The following RAB11FIP4 variants were observed in gnomAD, a reference collection of about 807,000 sequenced individuals.
The protein encoded by RAB11FIP4 is RAB11 family interacting protein 4, also known as rab11 family-interacting protein 4.
Under a neutral mutation model 74.3 loss-of-function variants are expected in RAB11FIP4, and 23 were observed. That is an observed-to-expected ratio of 0.31 (90% CI 0.22 to 0.44). RAB11FIP4 has a LOEUF of 0.44. RAB11FIP4 is among the 20% of genes least tolerant of loss of function. The pLI, the probability that RAB11FIP4 is intolerant of heterozygous loss-of-function variation, is 1.00. For synonymous variants in RAB11FIP4, 360 were observed against 359.9 expected, an observed-to-expected ratio of 1.00 and a Z score of 0.00; for missense variants, 630 against 863.9, an observed-to-expected ratio of 0.73 and a Z score of 3.39.
At chr17:31,424,643 T>G (rs978844504) in intron 1 of RAB11FIP4, among the ~76,000 whole-genome samples, 12 of 150,266 alleles carry the variant, frequency 8.0e-5, no homozygotes, top group Non-Finnish European at 2.9e-5. Flanking sequence ...TGGCACGATC[T>G]CGGCTCACTG....
At chr17:31,464,888 G>A (rs183692296) in intron 3 of RAB11FIP4, among the ~76,000 whole-genome samples, 49 of 148,878 alleles carry the variant, frequency 3.3e-4, no homozygotes, top group Non-Finnish European at 5.5e-4. Flanking sequence ...AGCCTTCCTA[G>A]TAGCAGGAAC....
At chr17:31,445,313 C>T (rs2071440321) in intron 3 of RAB11FIP4, among the ~76,000 whole-genome samples, 1 of 151,526 alleles carries the variant, frequency 6.6e-6, no homozygotes, top group African/African-American at 2.4e-5. Flanking sequence ...AGTTTCTCTG[C>T]CCCTGTGTTT....
At chr17:31,474,577 GA>G (rs2071770675) in intron 3 of RAB11FIP4, among the ~76,000 whole-genome samples, 1 of 151,550 alleles carries the variant, frequency 6.6e-6, no homozygotes, top group East Asian at 1.9e-4. Flanking sequence ...GCTGAGGCAG[GA>G]GATTCACTTG....
At chr17:31,442,394 G>A (rs781296863) in intron 3 of RAB11FIP4, among the ~76,000 whole-genome samples, 1 of 152,164 alleles carries the variant, frequency 6.6e-6, no homozygotes, top group Non-Finnish European at 1.5e-5. Flanking sequence ...AGCAGCAATC[G>A]TTGCTTTAAA....
At chr17:31,520,722 T>C (rs892407273) in intron 4 of RAB11FIP4, among the ~76,000 whole-genome samples, 3 of 152,204 alleles carry the variant, frequency 2.0e-5, no homozygotes, top group African/African-American at 7.2e-5. Context: ...TTAGCCAGGA[T>C]GGTCTCGATC....
intron 3 of RAB11FIP4, among the ~76,000 whole-genome samples, chr17:31,478,259 C>T (rs950172590): frequency 2.0e-5 from 3 of 152,132 alleles, no homozygotes; most frequent in African/African-American, 4.8e-5. Flanking sequence ...TCCCAAAGTG[C>T]TGGGATTACA....
chr17:31,412,520 T>G (rs2071107865), intron 1 of RAB11FIP4, among the ~76,000 whole-genome samples: 1 of 152,184 alleles, frequency 6.6e-6, no homozygotes, highest in South Asian at 2.1e-4. Flanking sequence ...TGATCTTGGG[T>G]GAAGGACTCA....
intron 7 of RAB11FIP4, 175 bp from the exon 8 acceptor site, chr17:31,523,337 T>C (rs1391722056): frequency 1.5e-6 from 1 of 646,104 alleles, no homozygotes; most frequent in Non-Finnish European, 2.8e-6. Flanking sequence ...TGCCATCCTC[T>C]GGGCGGGGTG....
In RAB11FIP4 at chr17:31,479,413, A is replaced by G. The variant is rs2142736757; in HGVS notation, c.337-38238A>G. Among the ~76,000 whole-genome samples, 3 of 152,306 alleles carry G rather than the reference A, an allele frequency of 2.0e-5. No homozygotes were observed. In the East Asian group the frequency reaches 5.8e-4, roughly 29 times the overall value. On this transcript the variant is annotated intron_variant, in intron 3 of 14. Transcript: ENST00000621161. ...CTCAGCTTTCCATTGTCTGTGGGTG[A>G]GGGATTCTCAGTCCCATTCAGGGCC...
intron 1 of RAB11FIP4, among the ~76,000 whole-genome samples, chr17:31,410,488 C>T (rs567566364): frequency 5.3e-5 from 8 of 151,872 alleles, no homozygotes; most frequent in African/African-American, 1.2e-4. Flanking sequence ...CTGAGGTGGG[C>T]GGATCACTTG....
chr17:31,524,850 G>C (rs2072734586), intron 9 of RAB11FIP4: 1 of 595,592 alleles, frequency 1.7e-6, no homozygotes, highest in Non-Finnish European at 3.0e-6. Context: ...GTCCCTCCCT[G>C]TGCTGCCCTG....
rs2051211786 is a variant in RAB11FIP4, at chr17:31,533,374, T to C, written c.*1642T>C. 6.6e-6 allele frequency: 1 copy of C among 152,254 alleles called. No individual in the cohort carries two copies. Among genetic ancestry groups the C allele is most frequent in the South Asian group, 2.1e-4 (1 of 4,832 alleles). The allele number at this position is 152,254 out of a possible 1,614,324, so 9.4% of individuals were successfully genotyped here. ...CCCAGGACTTTGGAGCCACCCACAC[T>C]GGGAAGACTAGGCTAGGCAGTCGGT... On this transcript the variant is annotated 3_prime_UTR_variant, in exon 15 of 15. Coordinates refer to ENST00000621161, the MANE Select transcript of RAB11FIP4 (RefSeq NM_032932.6).
intron 1 of RAB11FIP4, among the ~76,000 whole-genome samples, chr17:31,406,632 T>C (rs929287): frequency 0.21 from 32,472 of 152,116 alleles, 4,116 homozygotes; most frequent in East Asian, 0.43. Context: ...TCATGAGACT[T>C]TGCATTTTTT....
At chr17:31,412,852 G>A (rs2071111260) in intron 1 of RAB11FIP4, among the ~76,000 whole-genome samples, 1 of 152,204 alleles carries the variant, frequency 6.6e-6, no homozygotes. Flanking sequence ...GGGCAGTGAG[G>A]TGAGGAGCAG....
chr17:31,425,462 G>A (rs1297447151), intron 1 of RAB11FIP4, among the ~76,000 whole-genome samples: 1 of 152,162 alleles, frequency 6.6e-6, no homozygotes, highest in Admixed American at 6.5e-5. Flanking sequence ...GGGAGGCGTG[G>A]GTGGCTGGGC....
chr17:31,482,971 G>T (rs1283861233), intron 3 of RAB11FIP4, among the ~76,000 whole-genome samples: 1 of 152,012 alleles, frequency 6.6e-6, no homozygotes, highest in Non-Finnish European at 1.5e-5. Flanking sequence ...GAGGCGGGCG[G>T]ATCACGGGAT....
At chr17:31,497,063 AT>A (rs2072129999) in intron 3 of RAB11FIP4, among the ~76,000 whole-genome samples, 1 of 152,122 alleles carries the variant, frequency 6.6e-6, no homozygotes, top group Admixed American at 6.5e-5. Context: ...TTGTTCTCAA[AT>A]GTTTAAGACC....
intron 3 of RAB11FIP4, among the ~76,000 whole-genome samples, chr17:31,499,623 G>A (rs1210664717): frequency 2.0e-5 from 3 of 152,132 alleles, no homozygotes; most frequent in Admixed American, 2.0e-4. Context: ...CCAAAGTGCT[G>A]GGATTACAGG....
intron 3 of RAB11FIP4, among the ~76,000 whole-genome samples, chr17:31,457,885 T>C (rs181484806): frequency 6.6e-6 from 1 of 152,258 alleles, no homozygotes; most frequent in Non-Finnish European, 1.5e-5. Context: ...CTCTTCTCTC[T>C]ATCTGCACCC....
Sources: gnomAD v4.1 joint callset for allele counts (sites outside exome capture counted in the v4.1 genomes callset) on GRCh38, gnomAD v4.1.1 for gene constraint, MANE v1.5 for transcripts, NCBI Gene and HGNC (gene_info 2026-07-23, HGNC 2026-07-21) for gene names.